The following SMARCA2 variants were observed in gnomAD, a reference collection of about 807,000 sequenced individuals.
SMARCA2 encodes SWI/SNF related BAF chromatin remodeling complex subunit ATPase 2.
Under a neutral mutation model 199.8 loss-of-function variants are expected in SMARCA2, and 61 were observed. The ratio of observed to expected loss-of-function variants is 0.31; its 90% CI spans 0.25 to 0.38. The LOEUF (loss-of-function observed/expected upper bound fraction) is 0.38, where lower values mean the gene tolerates loss of function less well. Ranked by LOEUF, SMARCA2 falls within the 10% of genes least tolerant of loss-of-function variation. The pLI is 1.00. For missense variants in SMARCA2, 1,344 were observed against 2,012.2 expected, an observed-to-expected ratio of 0.67 and a Z score of 6.35; for synonymous variants, 935 against 732.0, an observed-to-expected ratio of 1.28 and a Z score of -4.48.
chr9:2,114,102 C>G (rs1179664152), intron 24 of SMARCA2, among the ~76,000 whole-genome samples: 2 of 152,170 alleles, frequency 1.3e-5, no homozygotes, highest in African/African-American at 2.4e-5. Context: ...GTCATCTTGA[C>G]TGCTGTTAGC....
chr9:2,090,416 C>T (rs28697934), intron 19 of SMARCA2, among the ~76,000 whole-genome samples: 4,059 of 152,236 alleles, frequency 0.027, 185 homozygotes, highest in African/African-American at 0.093. Flanking sequence ...ATCATGGGCT[C>T]TGCCTGTCAG....
intron 3 of SMARCA2, among the ~76,000 whole-genome samples, chr9:2,034,052 C>T (rs944700776): frequency 1.3e-5 from 2 of 151,992 alleles, no homozygotes; most frequent in Non-Finnish European, 2.9e-5. Flanking sequence ...CGAGACCATC[C>T]TGGTCAACAT....
intron 23 of SMARCA2, among the ~76,000 whole-genome samples, chr9:2,105,555 C>G (rs1822717528): frequency 6.6e-6 from 1 of 152,090 alleles, no homozygotes; most frequent in Non-Finnish European, 1.5e-5. Flanking sequence ...TTATTTAAAC[C>G]CCTTTACCTC....
At chr9:2,124,288 C>A (rs563206179) in intron 27 of SMARCA2, among the ~76,000 whole-genome samples, 1 of 152,322 alleles carries the variant, frequency 6.6e-6, no homozygotes, top group South Asian at 2.1e-4. Context: ...AACTGAGAAT[C>A]AAAATGTGGA....
intron 5 of SMARCA2, among the ~76,000 whole-genome samples, chr9:2,053,735 A>G (rs982206413): frequency 1.3e-5 from 2 of 152,226 alleles, no homozygotes; most frequent in African/African-American, 2.4e-5. Flanking sequence ...CTTAAATGGC[A>G]TATAATTATT....
intron 29 of SMARCA2, among the ~76,000 whole-genome samples, chr9:2,178,807 T>C (rs1477942206): frequency 3.3e-5 from 5 of 152,220 alleles, no homozygotes; most frequent in South Asian, 2.1e-4. Flanking sequence ...CTATAGGTAA[T>C]GTGGAAGCTA....
rs148865068 is a variant in SMARCA2 at position 2,029,073 on chromosome 9, G to A, written c.51G>A (p.Pro17=). ...PGAMPHPGPS[P]GPGPSPGPIL... is the part of the protein sequence containing the mutation. Reference sequence around the variant, plus strand: ...CGATGCCCCACCCAGGGCCTTCGCCGGGGCCTGGGCCTTCCCCTGGGCCAA... The same window carrying A: ...CGATGCCCCACCCAGGGCCTTCGCCAGGGCCTGGGCCTTCCCCTGGGCCAA... Residue 17 remains proline (P), a synonymous_variant, in exon 2 of 34, where the codon CCG becomes CCA. Coordinates refer to ENST00000349721, the MANE Select transcript of SMARCA2 (RefSeq NM_003070.5). The A allele has an allele frequency of 2.9e-5, 46 of 1,568,922 alleles. No individual in the cohort carries two copies. Among genetic ancestry groups the A allele is most frequent in the African/African-American group, 6.8e-5 (5 of 73,604 alleles).
intron 27 of SMARCA2, chr9:2,159,322 A>C (rs528126132): frequency 3.6e-6 from 1 of 281,276 alleles, no homozygotes; most frequent in Non-Finnish European, 6.7e-6. Flanking sequence ...AAAGAGCAGA[A>C]TAACATATTA....
chr9:2,026,222 A>G (rs1006876071), intron 1 of SMARCA2, among the ~76,000 whole-genome samples: 4 of 152,218 alleles, frequency 2.6e-5, no homozygotes, highest in African/African-American at 9.6e-5. Flanking sequence ...GTTATATGGC[A>G]CAGGGTACAT....
intron 27 of SMARCA2, among the ~76,000 whole-genome samples, chr9:2,141,294 A>G (rs952114056): frequency 6.6e-6 from 1 of 152,164 alleles, no homozygotes; most frequent in Non-Finnish European, 1.5e-5. Flanking sequence ...AGTAGGTATT[A>G]TTTCTCCCAT....
chr9:2,174,897 C>G (rs1454202548), intron 29 of SMARCA2, among the ~76,000 whole-genome samples: 1 of 128,442 alleles, frequency 7.8e-6, no homozygotes, highest in Non-Finnish European at 1.5e-5. Flanking sequence ...TGCAGTCCAG[C>G]CTGGGGGACA....
intron 32 of SMARCA2, among the ~76,000 whole-genome samples, chr9:2,188,161 G>A (rs577549184): frequency 6.6e-6 from 1 of 152,038 alleles, no homozygotes; most frequent in African/African-American, 2.4e-5. Context: ...ATGGCAATGA[G>A]GGTTTTTCTA....
Position 2,169,204 on chromosome 9 carries a change from C to T in SMARCA2, c.4200-1215C>T, listed in dbSNP as rs1403655321. Reference sequence around the variant, plus strand: ...CCCCTGTCTTCCTGAGGCCCTTGCACTGCTGGCCTGGCCTGGCAAGCTGCA... The same window carrying T: ...CCCCTGTCTTCCTGAGGCCCTTGCATTGCTGGCCTGGCCTGGCAAGCTGCA... On this transcript the variant is annotated intron_variant, in intron 28 of 33. Coordinates refer to ENST00000349721, the MANE Select transcript of SMARCA2 (RefSeq NM_003070.5). This position sits in a 1 kb window ranked among gnomAD's most constrained non-coding sequence, Gnocchi z 6.5. Among the ~76,000 whole-genome samples, 8 of 152,240 alleles carry T rather than the reference C, an allele frequency of 5.3e-5. 1 individual carries two copies.
At position 2,097,402 on chromosome 9, in the gene SMARCA2, G is replaced by A; in HGVS notation, c.3009G>A (p.Lys1003=). The A allele has an allele frequency of 6.2e-7, 1 of 1,609,550 alleles. No individual in the cohort carries two copies. Among genetic ancestry groups the A allele is most frequent in the Non-Finnish European group, 8.5e-7 (1 of 1,176,814 alleles). ...EKDKKGKGGA[K]TLMNTIMQLR... ...GTTCTTAGGGGAAAGGAGGTGCTAA[G>A]ACACTTATGAACACTATTATGCAGT... Residue 1003 remains lysine (K), a synonymous_variant, in exon 21 of 34, where the codon AAG becomes AAA. Transcript: ENST00000349721.
At chr9:2,112,286 A>G (rs1316637377) in intron 24 of SMARCA2, among the ~76,000 whole-genome samples, 2 of 152,160 alleles carry the variant, frequency 1.3e-5, no homozygotes, top group Non-Finnish European at 2.9e-5. Flanking sequence ...TTTGAGGACG[A>G]TCTATAGGTG....
At chr9:2,175,088 C>G (rs1207620668) in intron 29 of SMARCA2, among the ~76,000 whole-genome samples, 3 of 151,960 alleles carry the variant, frequency 2.0e-5, no homozygotes, top group Non-Finnish European at 2.9e-5. Flanking sequence ...GTGGGAAAAA[C>G]TGTAGAAATG....
At chr9:2,052,200 A>G (rs1820149172) in intron 5 of SMARCA2, among the ~76,000 whole-genome samples, 1 of 152,274 alleles carries the variant, frequency 6.6e-6, no homozygotes, top group Non-Finnish European at 1.5e-5. Context: ...CGGGCCAGGC[A>G]TGGTGGCTCA....
rs1173994692 is a variant in SMARCA2 at position 2,170,309 on chromosome 9, T to C, written c.4200-110T>C. 3.0e-5 allele frequency: 40 copies of C among 1,355,778 alleles called. No homozygotes were observed. The highest frequency in any genetic ancestry group is 2.9e-4 in the South Asian group (22 of 75,772). 84.0% of individuals were successfully genotyped at this position (1,355,778 alleles called of 1,614,324 possible). A position where few individuals can be genotyped will look rare whatever the true frequency, so the allele number is the denominator to read the frequency against. On this transcript the variant is annotated intron_variant, in intron 28 of 33. Coordinates refer to ENST00000349721, the MANE Select transcript of SMARCA2 (RefSeq NM_003070.5). The surrounding 1 kb of genome is among the most constrained non-coding windows in gnomAD (Gnocchi z 4.7). ...CGTGTAATCTTCCTAACAAGGCAGG[T>C]TGGTGAGGAGACTGAGGCTTGGCCA... is the stretch of plus-strand genomic sequence containing the variant.
At chr9:2,111,619 C>G (rs936401784) in intron 24 of SMARCA2, among the ~76,000 whole-genome samples, 6 of 152,092 alleles carry the variant, frequency 3.9e-5, no homozygotes, top group Non-Finnish European at 7.4e-5. Flanking sequence ...CACTATCTCA[C>G]TGGGTTGCGA....
Sources: allele counts gnomAD v4.1 joint callset (sites outside exome capture counted in the v4.1 genomes callset), GRCh38; gene constraint gnomAD v4.1.1; non-coding constraint Gnocchi (gnomAD v3.1); transcripts MANE v1.5; gene names NCBI Gene and HGNC (gene_info 2026-07-23, HGNC 2026-07-21).